Variants in CA10 observed in about 807,000 individuals in gnomAD.
CA10 encodes the protein carbonic anhydrase-related protein 10.
In CA10, 14 loss-of-function variants were observed where a neutral mutation model predicts 44.2. That is an observed-to-expected ratio of 0.32 (90% CI 0.21 to 0.50). The LOEUF (loss-of-function observed/expected upper bound fraction) is 0.50, where lower values mean the gene tolerates loss of function less well. Ranked by LOEUF, CA10 falls within the 20% of genes least tolerant of loss-of-function variation. The pLI is 0.99. For synonymous variants in CA10, 159 were observed against 141.6 expected, an observed-to-expected ratio of 1.12 and a Z score of -0.87; for missense variants, 350 against 409.7, an observed-to-expected ratio of 0.85 and a Z score of 1.26.
chr17:51,856,867 G>C (rs958758751), intron 3 of CA10, among the ~76,000 whole-genome samples: 2 of 152,192 alleles, frequency 1.3e-5, no homozygotes, highest in African/African-American at 4.8e-5. Context: ...TCTACATGTA[G>C]AGAAAGAAGG....
At chr17:51,889,331 G>A (rs1980752693) in intron 3 of CA10, among the ~76,000 whole-genome samples, 1 of 152,090 alleles carries the variant, frequency 6.6e-6, no homozygotes, top group Admixed American at 6.5e-5. Context: ...ACACTAGCCT[G>A]GGCAATGTGG....
chr17:52,151,280 A>G (rs2143412319), intron 1 of CA10, among the ~76,000 whole-genome samples: 1 of 152,228 alleles, frequency 6.6e-6, no homozygotes, highest in Middle Eastern at 3.4e-3. Flanking sequence ...CATATGCCCA[A>G]TCCACCATAC....
chr17:51,845,300 G>A (rs1451074187), intron 3 of CA10, among the ~76,000 whole-genome samples: 1 of 152,188 alleles, frequency 6.6e-6, no homozygotes, highest in East Asian at 1.9e-4. Context: ...CTTTCTCTGT[G>A]CTCACTCTCT....
At chr17:51,855,986 G>T (rs1401863142) in intron 3 of CA10, among the ~76,000 whole-genome samples, 1 of 151,874 alleles carries the variant, frequency 6.6e-6, no homozygotes, top group Non-Finnish European at 1.5e-5. Context: ...TCTGTCAATG[G>T]GGGGCTGAAG....
intron 2 of CA10, among the ~76,000 whole-genome samples, chr17:52,064,626 G>A (rs1163322832): frequency 1.3e-5 from 2 of 152,066 alleles, no homozygotes; most frequent in African/African-American, 4.8e-5. Context: ...GTAACTTGTA[G>A]GTGGTTGGGT....
At chr17:52,123,100 A>G (rs1989046045) in intron 1 of CA10, among the ~76,000 whole-genome samples, 1 of 152,184 alleles carries the variant, frequency 6.6e-6, no homozygotes, top group East Asian at 1.9e-4. Context: ...CACAATTGTG[A>G]TCAAAGGCGG....
At chr17:52,139,774 T>C (rs923686603) in intron 1 of CA10, among the ~76,000 whole-genome samples, 3 of 152,074 alleles carry the variant, frequency 2.0e-5, no homozygotes, top group African/African-American at 7.2e-5. Context: ...CTGTCTCCTC[T>C]CAATAGAATC....
At chr17:51,839,807 G>A (rs1598074241) in intron 3 of CA10, among the ~76,000 whole-genome samples, 1 of 152,264 alleles carries the variant, frequency 6.6e-6, no homozygotes, top group East Asian at 1.9e-4. Context: ...CTCTGGCAGA[G>A]GAATCCACAT....
chr17:51,687,289 G>A (rs757579665), intron 4 of CA10, among the ~76,000 whole-genome samples: 17 of 152,100 alleles, frequency 1.1e-4, no homozygotes, highest in Non-Finnish European at 2.1e-4. Context: ...CCATAAAAAT[G>A]TCTCCTTCTT....
rs184909400 is a variant in CA10, at chr17:52,093,485, T to C, written c.62-21092A>G. Among the ~76,000 whole-genome samples the C allele has an allele frequency of 2.0e-5, 3 of 152,294 alleles. No homozygotes were observed. The East Asian group carries it at 5.8e-4, about 29-fold the overall frequency. ...TGCTGTGAATTGAAACAACTCTTCC[T>C]CTCTAAATGTTTATGACAATGTTCA... On this transcript the variant is annotated intron_variant, in intron 1 of 8. Transcript: ENST00000451037.
chr17:51,635,643 C>T (rs533108654), intron 7 of CA10, among the ~76,000 whole-genome samples: 22 of 152,268 alleles, frequency 1.4e-4, no homozygotes, highest in African/African-American at 3.4e-4. Flanking sequence ...CCTCACATTC[C>T]GCTGAAGGAA....
At chr17:51,849,341 A>G (rs1199716832) in intron 3 of CA10, among the ~76,000 whole-genome samples, 1 of 149,118 alleles carries the variant, frequency 6.7e-6, no homozygotes, top group Non-Finnish European at 1.5e-5. Context: ...CACAGTGCCT[A>G]GCACATAAGA....
intron 4 of CA10, among the ~76,000 whole-genome samples, chr17:51,716,804 C>T (rs1160606497): frequency 6.6e-6 from 1 of 152,176 alleles, no homozygotes; most frequent in African/African-American, 2.4e-5. Context: ...AGACCTATTA[C>T]TGAACAATGA....
chr17:51,968,540 A>G (rs1467422548), intron 2 of CA10, among the ~76,000 whole-genome samples: 2 of 151,912 alleles, frequency 1.3e-5, no homozygotes, highest in Non-Finnish European at 2.9e-5. Context: ...AACAGACACT[A>G]TAGAGACAGA....
intron 2 of CA10, among the ~76,000 whole-genome samples, chr17:52,025,999 T>C (rs887884290): frequency 6.6e-6 from 1 of 152,002 alleles, no homozygotes. Flanking sequence ...CATATAAATA[T>C]ATATATCTGT....
chr17:51,722,767 GA>G (rs1916388195), intron 4 of CA10, among the ~76,000 whole-genome samples: 1 of 152,158 alleles, frequency 6.6e-6, no homozygotes, highest in Non-Finnish European at 1.5e-5. Context: ...ATTAAACCTG[GA>G]GGGCATTTGG....
chr17:51,854,697 A>G (rs1483008472), intron 3 of CA10, among the ~76,000 whole-genome samples: 1 of 151,298 alleles, frequency 6.6e-6, no homozygotes, highest in Non-Finnish European at 1.5e-5. Flanking sequence ...ATATGGTACA[A>G]GGCACTCTAA....
chr17:51,881,030 G>A (rs569284861), intron 3 of CA10, among the ~76,000 whole-genome samples: 1 of 152,032 alleles, frequency 6.6e-6, no homozygotes, highest in African/African-American at 2.4e-5. Flanking sequence ...GAGGTCAGGA[G>A]ATCGAGACCA....
chr17:51,781,735 A>T (rs1163785712), intron 3 of CA10, among the ~76,000 whole-genome samples: 1 of 152,164 alleles, frequency 6.6e-6, no homozygotes, highest in Non-Finnish European at 1.5e-5. Flanking sequence ...TTTAAGTCCC[A>T]CCTTTATCCC....
Sources: allele counts gnomAD v4.1 joint callset (sites outside exome capture counted in the v4.1 genomes callset), GRCh38; gene constraint gnomAD v4.1.1; transcripts MANE v1.5; gene names NCBI Gene and HGNC (gene_info 2026-07-23, HGNC 2026-07-21).